TENM2: variants seen among roughly 807,000 people sequenced by gnomAD.
The protein encoded by TENM2 is teneurin-2.
Under a neutral mutation model 245.2 loss-of-function variants are expected in TENM2, and 52 were observed. The observed-to-expected ratio is 0.21, with a 90% CI of 0.17 to 0.27. TENM2 has a LOEUF of 0.27. TENM2 is among the 10% of genes least tolerant of loss of function. The pLI is 1.00. For missense variants in TENM2, 3,046 were observed against 3,666.8 expected, an observed-to-expected ratio of 0.83 and a Z score of 4.37; for synonymous variants, 1,363 against 1,438.9, an observed-to-expected ratio of 0.95 and a Z score of 1.19.
intron 2 of TENM2, among the ~76,000 whole-genome samples, chr5:167,860,179 G>C: frequency 7.8e-6 from 1 of 127,488 alleles, no homozygotes; most frequent in East Asian, 2.5e-4. Context: ...CCCCGTCCGG[G>C]AGGGAGGTGG....
At chr5:168,066,570 G>T (rs1707272428) in intron 7 of TENM2, among the ~76,000 whole-genome samples, 1 of 152,048 alleles carries the variant, frequency 6.6e-6, no homozygotes, top group Admixed American at 6.5e-5. Flanking sequence ...TTATTTACTT[G>T]AACACTTGCA....
chr5:167,937,896 C>A (rs1275039242), intron 3 of TENM2: 2 of 152,184 alleles, frequency 1.3e-5, no homozygotes, highest in Non-Finnish European at 2.9e-5. Flanking sequence ...ATTTTCCCTT[C>A]ATAAGTCTTG....
chr5:168,004,158 G>A (rs1784621176), intron 5 of TENM2, among the ~76,000 whole-genome samples: 1 of 152,026 alleles, frequency 6.6e-6, no homozygotes, highest in African/African-American at 2.4e-5. Flanking sequence ...AATCAAGTGA[G>A]GGCATTCATG....
chr5:167,258,240 T>C, the TENM2 span, among the ~76,000 whole-genome samples: 2 of 147,916 alleles, frequency 1.4e-5, no homozygotes, highest in African/African-American at 4.9e-5. Flanking sequence ...TATATATATA[T>C]ATGTATATAT....
chr5:168,231,993 G>C (rs1764966200), intron 25 of TENM2, among the ~76,000 whole-genome samples: 1 of 151,934 alleles, frequency 6.6e-6, no homozygotes, highest in African/African-American at 2.4e-5. Flanking sequence ...CTTGAGCACA[G>C]GAGTTTGAGG....
intron 2 of TENM2, among the ~76,000 whole-genome samples, chr5:167,536,465 A>C (rs556779932): frequency 1.5e-3 from 236 of 152,318 alleles, no homozygotes; most frequent in Non-Finnish European, 2.5e-3. Context: ...ACTTAAAAAA[A>C]AAAATAACCC....
chr5:167,674,613 T>C (rs965861775), intron 2 of TENM2, among the ~76,000 whole-genome samples: 2 of 152,140 alleles, frequency 1.3e-5, no homozygotes, highest in African/African-American at 2.4e-5. Context: ...GGACAAGTTA[T>C]ATCATCTCCG....
intron 27 of TENM2, among the ~76,000 whole-genome samples, chr5:168,250,024 G>A (rs1432150884): frequency 6.6e-6 from 1 of 152,140 alleles, no homozygotes; most frequent in African/African-American, 2.4e-5. Context: ...TCAGGGAAAT[G>A]AGCAAGGAAA....
chr5:167,553,509 C>A (rs1773086758), intron 2 of TENM2, among the ~76,000 whole-genome samples: 1 of 152,044 alleles, frequency 6.6e-6, no homozygotes, highest in African/African-American at 2.4e-5. Flanking sequence ...GGTAATGAGA[C>A]AAGGAGATGG....
At chr5:167,750,304 G>A (rs1035272817) in intron 2 of TENM2, among the ~76,000 whole-genome samples, 2 of 152,126 alleles carry the variant, frequency 1.3e-5, no homozygotes, top group Non-Finnish European at 2.9e-5. Context: ...TACAGAGAGA[G>A]CAGCAGGTGT....
At chr5:167,799,303 A>C (rs2150937511) in intron 2 of TENM2, among the ~76,000 whole-genome samples, 1 of 152,344 alleles carries the variant, frequency 6.6e-6, no homozygotes, top group South Asian at 2.1e-4. Context: ...ATGGTGAAGA[A>C]GTTATTCCAT....
intron 12 of TENM2, chr5:168,130,279 T>C (rs1365476650): frequency 1.3e-5 from 2 of 152,350 alleles, no homozygotes; most frequent in East Asian, 3.9e-4. Context: ...GACTTCAATG[T>C]TAACTGTTAG....
chr5:168,112,868 C>T (rs900055876), intron 9 of TENM2, among the ~76,000 whole-genome samples: 3 of 152,198 alleles, frequency 2.0e-5, no homozygotes, highest in African/African-American at 7.2e-5. Flanking sequence ...ATCACTTATC[C>T]TCTACCACCT....
rs553428515 is a variant in TENM2 at position 167,867,580 on chromosome 5, G to A, written c.503-8406G>A. 5.3e-5 allele frequency among the ~76,000 whole-genome samples: 8 copies of A among 152,280 alleles called. No individual in the cohort carries two copies. In the East Asian group the frequency reaches 7.7e-4, roughly 15 times the overall value. On this transcript the variant is annotated intron_variant, in intron 2 of 28. Transcript: ENST00000518659. ...CAAGAAAATGCTTAACTGGGCTTTC[G>A]TGGGTTCAGTGAAGTGTGAGTGAAG...
intron 2 of TENM2, among the ~76,000 whole-genome samples, chr5:167,580,532 A>G (rs1775014904): frequency 6.6e-6 from 1 of 152,218 alleles, no homozygotes; most frequent in African/African-American, 2.4e-5. Flanking sequence ...CACACACTGA[A>G]AGCCTCTTAG....
chr5:167,989,442 G>A (rs1368343910), intron 4 of TENM2, among the ~76,000 whole-genome samples: 1 of 152,102 alleles, frequency 6.6e-6, no homozygotes, highest in Non-Finnish European at 1.5e-5. Context: ...TCAATTGAAC[G>A]GGCTTGTTAA....
intron 1 of TENM2, among the ~76,000 whole-genome samples, chr5:167,346,438 C>G (rs991539555): frequency 6.6e-6 from 1 of 152,132 alleles, no homozygotes; most frequent in Non-Finnish European, 1.5e-5. Flanking sequence ...TATGATTTAT[C>G]CATGAAATCT....
intron 1 of TENM2, among the ~76,000 whole-genome samples, chr5:167,352,593 T>A (rs1046375913): frequency 3.3e-5 from 5 of 152,216 alleles, no homozygotes; most frequent in African/African-American, 1.2e-4. Context: ...CTTACAGGAT[T>A]TTAGGCTTCT....
Position 168,203,795 on chromosome 5 carries a change from G to A in TENM2, c.3537G>A (p.Trp1179Ter). 1 of 1,612,930 alleles carries A rather than the reference G, an allele frequency of 6.2e-7. No homozygotes were observed. Among genetic ancestry groups the A allele is most frequent in the Non-Finnish European group, 8.5e-7 (1 of 1,179,230 alleles). Reference sequence around the variant, plus strand: ...TGGACCCCTCCAACCTCGGTGGCTGGTCCCTAGACAAACACCACATCCTCA... The same window carrying A: ...TGGACCCCTCCAACCTCGGTGGCTGATCCCTAGACAAACACCACATCCTCA... Residue 1179 changes from tryptophan (W) to a stop codon, truncating the protein, a stop_gained, in exon 18 of 29, where the codon TGG (tryptophan) becomes TGA (stop). Coordinates refer to ENST00000518659, the Ensembl canonical transcript of TENM2. LOFTEE classifies it high-confidence loss of function.
Sources: gnomAD v4.1 joint callset for allele counts (sites outside exome capture counted in the v4.1 genomes callset) on GRCh38, gnomAD v4.1.1 for gene constraint, MANE v1.5 for transcripts, NCBI Gene and HGNC (gene_info 2026-07-23, HGNC 2026-07-21) for gene names.